KCNN2: variants seen among roughly 807,000 people sequenced by gnomAD.
KCNN2 encodes potassium calcium-activated channel subfamily N member 2.
KCNN2 carries 24 observed loss-of-function variants against 55.5 expected under a neutral mutation model. The ratio of observed to expected loss-of-function variants is 0.43; its 90% CI spans 0.31 to 0.61. The LOEUF (loss-of-function observed/expected upper bound fraction) is 0.61. Ranked by LOEUF, KCNN2 falls within the 20% of genes least tolerant of loss-of-function variation. The pLI is 0.08. For synonymous variants in KCNN2, 431 were observed against 336.1 expected (o/e 1.28, Z -3.09); for missense variants, 754 against 853.6 (o/e 0.88, Z 1.45).
chr5:114,095,129 A>G (rs1751229643), intron 1 of KCNN2, among the ~76,000 whole-genome samples: 1 of 151,948 alleles, frequency 6.6e-6, no homozygotes, highest in African/African-American at 2.4e-5. Flanking sequence ...TATCTTTATA[A>G]CAGTGTTGTT....
chr5:114,080,997 AT>A (rs1445506270), intron 1 of KCNN2, among the ~76,000 whole-genome samples: 3 of 152,206 alleles, frequency 2.0e-5, no homozygotes, highest in African/African-American at 7.2e-5. Flanking sequence ...CAGGATACAA[AT>A]TTATATACAA....
At chr5:114,201,695 G>A (rs1753675810) in intron 1 of KCNN2, among the ~76,000 whole-genome samples, 1 of 152,104 alleles carries the variant, frequency 6.6e-6, no homozygotes, top group Non-Finnish European at 1.5e-5. Context: ...TGGCACCAGA[G>A]AAGGCGGGGT....
At chr5:114,064,314 A>G (rs1274051223) in intron 1 of KCNN2, among the ~76,000 whole-genome samples, 1 of 152,220 alleles carries the variant, frequency 6.6e-6, no homozygotes, top group Non-Finnish European at 1.5e-5. Flanking sequence ...TGCTTTGAAC[A>G]ATAAAACTCA....
intron 1 of KCNN2, among the ~76,000 whole-genome samples, chr5:114,093,081 G>T (rs1751180486): frequency 6.6e-6 from 1 of 152,086 alleles, no homozygotes; most frequent in South Asian, 2.1e-4. Flanking sequence ...GATTTTCCAA[G>T]CTTTTATGCT....
chr5:114,463,233 G>T, intron 4 of KCNN2, 43 bp downstream of exon 4: 1 of 1,559,872 alleles, frequency 6.4e-7, no homozygotes, highest in Non-Finnish European at 8.7e-7. Flanking sequence ...TTACGCTCAA[G>T]AAGGCACTTA....
At chr5:114,313,783 T>G (rs1393043343) in intron 2 of KCNN2, among the ~76,000 whole-genome samples, 1 of 152,152 alleles carries the variant, frequency 6.6e-6, no homozygotes, top group Non-Finnish European at 1.5e-5. Flanking sequence ...AGTGGTTCTC[T>G]CCTATTAATT....
chr5:114,251,076 T>C (rs1009836462), intron 2 of KCNN2, among the ~76,000 whole-genome samples: 1 of 152,224 alleles, frequency 6.6e-6, no homozygotes, highest in East Asian at 1.9e-4. Flanking sequence ...TAACAGATCC[T>C]GGTAATGCGG....
At chr5:114,325,870 T>C (rs1437392688) in intron 2 of KCNN2, among the ~76,000 whole-genome samples, 1 of 152,178 alleles carries the variant, frequency 6.6e-6, no homozygotes, top group Non-Finnish European at 1.5e-5. Context: ...GGAGTACTTC[T>C]GGTTCCTCGT....
chr5:114,065,198 G>A (rs545823380), intron 1 of KCNN2, among the ~76,000 whole-genome samples: 3 of 152,192 alleles, frequency 2.0e-5, no homozygotes, highest in Non-Finnish European at 2.9e-5. Flanking sequence ...CCTTGGAGTA[G>A]TTCATAGGAG....
chr5:114,385,080 C>T (rs1758234902), intron 2 of KCNN2, among the ~76,000 whole-genome samples: 1 of 152,074 alleles, frequency 6.6e-6, no homozygotes, highest in South Asian at 2.1e-4. Context: ...TAAAGGTATG[C>T]AGATGTGTTG....
intron 1 of KCNN2, among the ~76,000 whole-genome samples, chr5:114,148,963 C>G (rs917706633): frequency 5.3e-5 from 8 of 152,018 alleles, no homozygotes; most frequent in Non-Finnish European, 1.0e-4. Flanking sequence ...GTCAGCCCAA[C>G]CAGAAATAGG....
chr5:114,352,402 C>A (rs1757222292), intron 2 of KCNN2, among the ~76,000 whole-genome samples: 1 of 148,186 alleles, frequency 6.7e-6, no homozygotes, highest in Non-Finnish European at 1.5e-5. Context: ...ATGATATGTT[C>A]TGTTTTTTAT....
intron 2 of KCNN2, among the ~76,000 whole-genome samples, chr5:114,398,478 ATTG>A (rs1253887295): frequency 1.4e-5 from 2 of 140,588 alleles, no homozygotes; most frequent in Admixed American, 1.4e-4. Flanking sequence ...TGCTTCCAGT[ATTG>A]TTGTTTTTTT....
intron 1 of KCNN2, among the ~76,000 whole-genome samples, chr5:114,079,897 G>GA (rs886827329): frequency 6.6e-6 from 1 of 151,862 alleles, no homozygotes; most frequent in African/African-American, 2.4e-5. Flanking sequence ...GGGGATGGGG[G>GA]AAAGAATAAT....
chr5:114,373,992 C>A (rs541529564), intron 2 of KCNN2, among the ~76,000 whole-genome samples: 1 of 151,786 alleles, frequency 6.6e-6, no homozygotes, highest in African/African-American at 2.4e-5. Flanking sequence ...CTGAATCTTC[C>A]TGTGAGCAGG....
chr5:114,270,773 C>A (rs1216685711), intron 2 of KCNN2, among the ~76,000 whole-genome samples: 1 of 152,168 alleles, frequency 6.6e-6, no homozygotes, highest in African/African-American at 2.4e-5. Context: ...GTCTTGCTGA[C>A]TTCAAGAATG....
chr5:114,246,242 T>G (rs193131351), intron 2 of KCNN2, among the ~76,000 whole-genome samples: 1 of 152,314 alleles, frequency 6.6e-6, no homozygotes, highest in Admixed American at 6.5e-5. Flanking sequence ...TGTGCTTCAT[T>G]TTGTTTATTT....
chr5:114,166,779 TA>T (rs1362588363), intron 1 of KCNN2, among the ~76,000 whole-genome samples: 1 of 152,040 alleles, frequency 6.6e-6, no homozygotes, highest in Non-Finnish European at 1.5e-5. Flanking sequence ...ATGATGGTAT[TA>T]GGGGGGTAGG....
chr5:114,339,436 A>G (rs1169836199), intron 2 of KCNN2, among the ~76,000 whole-genome samples: 1 of 152,230 alleles, frequency 6.6e-6, no homozygotes, highest in South Asian at 2.1e-4. Flanking sequence ...ATTACAAAGG[A>G]AAAAACTACA....
Sources: gnomAD v4.1 joint callset for allele counts (sites outside exome capture counted in the v4.1 genomes callset) on GRCh38, gnomAD v4.1.1 for gene constraint, MANE v1.5 for transcripts, NCBI Gene and HGNC (gene_info 2026-07-23, HGNC 2026-07-21) for gene names.